The following DIAPH2 variants were observed in gnomAD, a reference collection of about 807,000 sequenced individuals.
DIAPH2 encodes diaphanous related formin 2.
In DIAPH2, 35 loss-of-function variants were observed where a neutral mutation model predicts 92.7. The ratio of observed to expected loss-of-function variants is 0.38; its 90% CI spans 0.29 to 0.50. DIAPH2 has a LOEUF of 0.50. Ranked by LOEUF, DIAPH2 falls within the 20% of genes least tolerant of loss-of-function variation. DIAPH2 has a pLI of 0.94. For missense variants in DIAPH2, 701 were observed against 819.5 expected, an observed-to-expected ratio of 0.86 and a Z score of 1.77; for synonymous variants, 301 against 280.4, an observed-to-expected ratio of 1.07 and a Z score of -0.73.
chrX:96,807,944 C>CAAAAAAAAAAAAAAAAAAAAAAA lies in DIAPH2; in HGVS notation c.447+49703_447+49725dup, dbSNP rs541681495. On this transcript the variant is annotated intron_variant, in intron 4 of 26. Coordinates refer to ENST00000324765, the MANE Select transcript of DIAPH2 (RefSeq NM_006729.5). ...GTGAGATTTGGTATTGTAGAAATAG[C>CAAAAAAAAAAAAAAAAAAAAAAA]AAAAAAAAAAAAAAAAAAAAAAAAA... Among the ~76,000 whole-genome samples, 4 of 14,490 alleles carry CAAAAAAAAAAAAAAAAAAAAAAA rather than the reference C, an allele frequency of 2.8e-4. 1 individual carries two copies. The highest frequency in any genetic ancestry group is 3.6e-4 in the Non-Finnish European group (3 of 8,260). The allele number at this position is 14,490 out of a possible 115,157, so 12.6% of individuals were successfully genotyped here.
intron 14 of DIAPH2, among the ~76,000 whole-genome samples, chrX:96,946,101 G>A (rs1283327985): frequency 9.0e-6 from 1 of 111,399 alleles, no homozygotes; most frequent in Non-Finnish European, 1.9e-5. Flanking sequence ...CATTTTGTAA[G>A]TGATGCTGCT....
chrX:96,810,687 A>G (rs1221186095), intron 4 of DIAPH2, among the ~76,000 whole-genome samples: 2 of 111,437 alleles, frequency 1.8e-5, no homozygotes, highest in Admixed American at 9.6e-5. Context: ...TCTTGAATTA[A>G]TTTTTGTATA....
At chrX:97,303,129 TTTTTC>T (rs1209317688) in intron 23 of DIAPH2, among the ~76,000 whole-genome samples, 1 of 112,835 alleles carries the variant, frequency 8.9e-6, no homozygotes, top group Non-Finnish European at 1.9e-5. Context: ...TTTCTTTTAC[TTTTTC>T]TTTTCTTTTA....
chrX:97,416,856 C>A (rs1393252778), intron 25 of DIAPH2, among the ~76,000 whole-genome samples: 1 of 112,356 alleles, frequency 8.9e-6, no homozygotes, highest in Non-Finnish European at 1.9e-5. Flanking sequence ...GTAACAGACA[C>A]TCCCTCTTTT....
At chrX:96,912,962 T>C (rs916229579) in intron 7 of DIAPH2, among the ~76,000 whole-genome samples, 1 of 110,772 alleles carries the variant, frequency 9.0e-6, no homozygotes. Flanking sequence ...TTTCTCGATT[T>C]TTTTTTTTTT....
In DIAPH2 at chrX:97,080,658, A is replaced by G. The variant is rs7876881; in HGVS notation, c.2247+5397A>G. 8.9e-3 allele frequency among the ~76,000 whole-genome samples: 998 copies of G among 111,703 alleles called. 10 individuals are homozygous for G. Among genetic ancestry groups the G allele is most frequent in the African/African-American group, 0.031 (962 of 30,743 alleles). On this transcript the variant is annotated intron_variant, in intron 19 of 26. Transcript: ENST00000324765. ...ATATAACTTATTATTGGATACCGACAGAATAATCAGAATGACACGAAGATC... is the reference window on the plus strand; with the variant it reads ...ATATAACTTATTATTGGATACCGACGGAATAATCAGAATGACACGAAGATC...
At chrX:97,462,334 C>T (rs1412368327) in intron 26 of DIAPH2, among the ~76,000 whole-genome samples, 1 of 112,100 alleles carries the variant, frequency 8.9e-6, no homozygotes, top group Non-Finnish European at 1.9e-5. Flanking sequence ...AATTAATTAA[C>T]CCCTTACAAA....
intron 26 of DIAPH2, among the ~76,000 whole-genome samples, chrX:97,544,361 G>A (rs1309425674): frequency 8.9e-6 from 1 of 112,226 alleles, no homozygotes; most frequent in East Asian, 2.8e-4. Flanking sequence ...CCATGACATA[G>A]AGTATCTCAA....
At chrX:96,788,554 C>T (rs1418899541) in intron 4 of DIAPH2, among the ~76,000 whole-genome samples, 1 of 111,480 alleles carries the variant, frequency 9.0e-6, no homozygotes, top group Non-Finnish European at 1.9e-5. Flanking sequence ...AAATTAACAC[C>T]CCTATTATTA....
chrX:97,593,896 G>T (rs1347821682), intron 26 of DIAPH2, among the ~76,000 whole-genome samples: 2 of 111,369 alleles, frequency 1.8e-5, no homozygotes, highest in African/African-American at 6.5e-5. Flanking sequence ...GAATGAATCA[G>T]ATGCAATTTT....
intron 4 of DIAPH2, among the ~76,000 whole-genome samples, chrX:96,802,989 G>A (rs1215570364): frequency 9.0e-6 from 1 of 111,096 alleles, no homozygotes; most frequent in African/African-American, 3.3e-5. Flanking sequence ...ATGGCCGGAC[G>A]ACTCCGCCAG....
rs187907223 is a variant in DIAPH2 at position 97,041,777 on chromosome X, A to G, written c.2051-31164A>G. Among the ~76,000 whole-genome samples the G allele has an allele frequency of 6.4e-4, 71 of 111,701 alleles. No individual in the cohort carries two copies. The East Asian group carries it at 0.017, about 27-fold the overall frequency. ...AAATAGAAAACAATAGGAAGACTTA[A>G]TAAGACTTAATTGAGTTAATTCATC... On this transcript the variant is annotated intron_variant, in intron 17 of 26. Transcript: ENST00000324765.
chrX:97,484,713 A>G (rs2070675595), intron 26 of DIAPH2, among the ~76,000 whole-genome samples: 1 of 111,218 alleles, frequency 9.0e-6, no homozygotes, highest in Non-Finnish European at 1.9e-5. Flanking sequence ...CCTGGCTAAC[A>G]CGGTGAAACC....
intron 22 of DIAPH2, among the ~76,000 whole-genome samples, chrX:97,199,082 G>A (rs867182744): frequency 9.1e-6 from 1 of 110,097 alleles, no homozygotes; most frequent in Non-Finnish European, 1.9e-5. Flanking sequence ...CTAGCCATAA[G>A]CTAAGGCATG....
At chrX:97,202,690 T>C (rs1602414297) in intron 22 of DIAPH2, among the ~76,000 whole-genome samples, 1 of 111,356 alleles carries the variant, frequency 9.0e-6, no homozygotes, top group Admixed American at 9.6e-5. Context: ...AAACAAGTTC[T>C]CAGAGACCTA....
chrX:97,569,527 T>C lies in DIAPH2; in HGVS notation c.3242-29726T>C, dbSNP rs2071350196. 2.7e-5 allele frequency among the ~76,000 whole-genome samples: 3 copies of C among 111,884 alleles called. No homozygotes were observed. The South Asian group carries it at 1.1e-3, about 42-fold the overall frequency. On this transcript the variant is annotated intron_variant, in intron 26 of 26. Coordinates refer to ENST00000324765, the MANE Select transcript of DIAPH2 (RefSeq NM_006729.5). ...GCGTTCAGTTCTTCTCTGGTCTTTG[T>C]ATAAATGTGTACTTAAGGACTTTGT...
intron 26 of DIAPH2, among the ~76,000 whole-genome samples, chrX:97,441,903 A>C (rs1206317058): frequency 8.8e-6 from 1 of 113,460 alleles, no homozygotes; most frequent in Non-Finnish European, 1.9e-5. Flanking sequence ...GCATTAAGGA[A>C]GCTAGAAACT....
intron 22 of DIAPH2, among the ~76,000 whole-genome samples, chrX:97,245,318 T>G (rs1052392377): frequency 3.7e-5 from 4 of 109,531 alleles, no homozygotes; most frequent in African/African-American, 1.3e-4. Flanking sequence ...ATTTATTTAT[T>G]TATTTATTTA....
At chrX:96,703,024 C>T (rs754779070) in intron 1 of DIAPH2, among the ~76,000 whole-genome samples, 1 of 111,692 alleles carries the variant, frequency 9.0e-6, no homozygotes, top group East Asian at 2.8e-4. Flanking sequence ...AACAGACATT[C>T]AGTCCATGAC....
Sources: gnomAD v4.1 joint callset for allele counts (sites outside exome capture counted in the v4.1 genomes callset) on GRCh38, gnomAD v4.1.1 for gene constraint, MANE v1.5 for transcripts, NCBI Gene and HGNC (gene_info 2026-07-23, HGNC 2026-07-21) for gene names.